The following ANO6 variants were observed in gnomAD, a reference collection of about 807,000 sequenced individuals.
The protein encoded by ANO6 is anoctamin 6.
A neutral mutation model predicts 117.5 loss-of-function variants in ANO6; 106 were observed. The ratio of observed to expected loss-of-function variants is 0.90; its 90% CI spans 0.77 to 1.06. The LOEUF is 1.06. ANO6 is among the 50% of genes least tolerant of loss of function. The pLI, the probability that ANO6 is intolerant of heterozygous loss-of-function variation, is 0.00. For missense variants in ANO6, 955 were observed against 1,121.1 expected (o/e 0.85, Z 2.12); for synonymous variants, 367 against 385.1 (o/e 0.95, Z 0.55).
At chr12:45,379,172 A>G (rs1942106571) in intron 10 of ANO6, among the ~76,000 whole-genome samples, 1 of 152,216 alleles carries the variant, frequency 6.6e-6, no homozygotes, top group African/African-American at 2.4e-5. Flanking sequence ...CAAGTTTCTT[A>G]TTCTTTAAAA....
In ANO6 at chr12:45,243,413, A is replaced by G. The variant is rs558483827; in HGVS notation, c.70+27022A>G. 1.5e-4 allele frequency among the ~76,000 whole-genome samples: 23 copies of G among 152,336 alleles called. No individual in the cohort carries two copies. The East Asian group carries it at 4.2e-3, about 28-fold the overall frequency. ...TGGCCATGCATTCTAAACTTCTAAAATTACCACTTTCTTAGTATTGTCCAC... is the reference window on the plus strand; with the variant it reads ...TGGCCATGCATTCTAAACTTCTAAAGTTACCACTTTCTTAGTATTGTCCAC... On this transcript the variant is annotated intron_variant, in intron 1 of 19. Transcript: ENST00000320560.
At chr12:45,397,142 T>G (rs189944661) in intron 12 of ANO6, among the ~76,000 whole-genome samples, 472 of 151,936 alleles carry the variant, frequency 3.1e-3, no homozygotes, top group Non-Finnish European at 4.9e-3. Flanking sequence ...TCAAACAAAT[T>G]TACAAGAAAA....
chr12:45,378,910 T>C (rs1209678476), intron 10 of ANO6, among the ~76,000 whole-genome samples: 1 of 152,212 alleles, frequency 6.6e-6, no homozygotes, highest in African/African-American at 2.4e-5. Flanking sequence ...AGAACAGATA[T>C]AATTCTACAG....
chr12:45,433,049 A>G (rs570795959), downstream of ANO6, among the ~76,000 whole-genome samples: 31 of 152,346 alleles, frequency 2.0e-4, no homozygotes, highest in African/African-American at 7.2e-4. Context: ...TTGGCCCAAT[A>G]TGACCAGGAC....
intron 1 of ANO6, among the ~76,000 whole-genome samples, chr12:45,228,626 G>T (rs1239595819): frequency 6.6e-6 from 1 of 152,114 alleles, no homozygotes; most frequent in Non-Finnish European, 1.5e-5. Context: ...ACATGATTCT[G>T]TTCTTAGGAC....
intron 3 of ANO6, among the ~76,000 whole-genome samples, chr12:45,337,068 G>C (rs1940846960): frequency 2.6e-5 from 4 of 152,032 alleles, no homozygotes; most frequent in Admixed American, 2.6e-4. Context: ...AATAGAATAA[G>C]GATATAAAGA....
chr12:45,285,051 A>C (rs1407519881), intron 1 of ANO6, among the ~76,000 whole-genome samples: 1 of 152,234 alleles, frequency 6.6e-6, no homozygotes, highest in Non-Finnish European at 1.5e-5. Flanking sequence ...TTATTTTGTA[A>C]GATCTCAACT....
chr12:45,312,590 T>A (rs1939882259), intron 2 of ANO6, among the ~76,000 whole-genome samples: 1 of 152,094 alleles, frequency 6.6e-6, no homozygotes, highest in Admixed American at 6.6e-5. Context: ...GTTTTCCTTA[T>A]TTTAACAAAT....
chr12:45,269,307 G>A (rs1938318541), intron 1 of ANO6, among the ~76,000 whole-genome samples: 1 of 152,100 alleles, frequency 6.6e-6, no homozygotes, highest in African/African-American at 2.4e-5. Context: ...ACCACATGGG[G>A]GCAGTGCTTT....
chr12:45,343,228 C>T (rs1011072069), intron 3 of ANO6, among the ~76,000 whole-genome samples: 5 of 152,072 alleles, frequency 3.3e-5, no homozygotes, highest in Admixed American at 2.6e-4. Context: ...TTTTTCCCTA[C>T]CAGCACTTAT....
rs530853259 is a variant in ANO6, at chr12:45,341,711, G to A, written c.280-5311G>A. ...TCTCATAGTGTTCCTGTAAAATGAC[G>A]TACTGGTGTCCCACTGCAGGGACGA... On this transcript the variant is annotated intron_variant, in intron 3 of 19. Coordinates refer to ENST00000320560, the MANE Select transcript of ANO6 (RefSeq NM_001025356.3). 1.1e-3 allele frequency among the ~76,000 whole-genome samples: 175 copies of A among 152,308 alleles called. 1 individual carries two copies. Among genetic ancestry groups the A allele is most frequent in the Non-Finnish European group, 2.0e-3 (134 of 68,032 alleles).
At chr12:45,225,888 T>G (rs1385444071) in intron 1 of ANO6, among the ~76,000 whole-genome samples, 2 of 152,218 alleles carry the variant, frequency 1.3e-5, no homozygotes, top group Non-Finnish European at 2.9e-5. Flanking sequence ...AGAAAATATT[T>G]CCAATTACCT....
intron 12 of ANO6, among the ~76,000 whole-genome samples, chr12:45,393,272 TAAAG>T (rs902496493): frequency 3.3e-5 from 5 of 151,998 alleles, no homozygotes; most frequent in East Asian, 1.9e-4. Flanking sequence ...ATTAATGAAA[TAAAG>T]AGAGAAGACA....
chr12:45,390,635 G>T (rs1049018448), intron 12 of ANO6, 137 bp downstream of exon 12: 5 of 778,382 alleles, frequency 6.4e-6, no homozygotes, highest in Non-Finnish European at 1.1e-5. Context: ...GAGACAGACA[G>T]ATATTTCCAG....
At position 45,430,674 on chromosome 12, in the gene ANO6, A is replaced by G; in HGVS notation, c.*1363A>G. The G allele has an allele frequency of 1.0e-6, 1 of 985,460 alleles. No homozygotes were observed. The highest frequency in any genetic ancestry group is 4.7e-5 in the South Asian group (1 of 21,280). 61.0% of individuals were successfully genotyped at this position (985,460 alleles called of 1,614,324 possible). ...GGAAAAGGGTTTGGTCACAAACCCT[A>G]CCATTATCTGGAGATTACTTCCTGC... is the stretch of plus-strand genomic sequence containing the variant. On this transcript the variant is annotated 3_prime_UTR_variant, in exon 20 of 20. Coordinates refer to ENST00000320560, the MANE Select transcript of ANO6 (RefSeq NM_001025356.3).
intron 15 of ANO6, 110 bp from the exon 16 acceptor site, chr12:45,409,247 A>G (rs1211394307): frequency 2.1e-6 from 3 of 1,418,620 alleles, no homozygotes; most frequent in Non-Finnish European, 2.9e-6. Flanking sequence ...CAAACAAAAA[A>G]ATAGTTTATT....
At chr12:45,234,724 C>A (rs1437172300) in intron 1 of ANO6, among the ~76,000 whole-genome samples, 1 of 151,328 alleles carries the variant, frequency 6.6e-6, no homozygotes, top group Non-Finnish European at 1.5e-5. Flanking sequence ...CAGAACCCCC[C>A]ACCCCCACCC....
At chr12:45,395,532 C>G (rs147350930) in intron 12 of ANO6, among the ~76,000 whole-genome samples, 3,044 of 152,096 alleles carry the variant, frequency 0.02, 43 homozygotes, top group East Asian at 0.038. Flanking sequence ...GGCAGAGACA[C>G]AACAAAAAAA....
rs1471829739 is a variant in ANO6, at chr12:45,409,630, A to G, written c.2011+143A>G. 1.3e-5 allele frequency: 13 copies of G among 1,005,558 alleles called. No individual in the cohort carries two copies. The East Asian group carries it at 3.4e-4, about 26-fold the overall frequency. The allele number at this position is 1,005,558 out of a possible 1,614,324, so 62.3% of individuals were successfully genotyped here. A position where few individuals can be genotyped will look rare whatever the true frequency, so the allele number is the denominator to read the frequency against. ...GTTTTTCTCCACTAGATAAAATTAT[A>G]CAATCCAGCTTTCAGATAAGGTGGT... is the stretch of plus-strand genomic sequence containing the variant. On this transcript the variant is annotated intron_variant, in intron 16 of 19. Transcript: ENST00000320560.
Sources: gnomAD v4.1 joint callset for allele counts (sites outside exome capture counted in the v4.1 genomes callset) on GRCh38, gnomAD v4.1.1 for gene constraint, MANE v1.5 for transcripts, NCBI Gene and HGNC (gene_info 2026-07-23, HGNC 2026-07-21) for gene names.